PPTC7: variants seen among roughly 807,000 people sequenced by gnomAD.
PPTC7 encodes protein phosphatase PTC7 homolog.
PPTC7 carries 6 observed loss-of-function variants against 30.8 expected under a neutral mutation model. That is an observed-to-expected ratio of 0.19 (90% CI 0.11 to 0.38). PPTC7 has a LOEUF of 0.38. Ranked by LOEUF, PPTC7 falls within the 10% of genes least tolerant of loss-of-function variation. PPTC7 has a pLI of 1.00. For missense variants in PPTC7, 218 were observed against 404.8 expected (o/e 0.54, Z 3.96); for synonymous variants, 163 against 168.1 (o/e 0.97, Z 0.23).
At chr12:110,577,321 T>C (rs933247054) in intron 1 of PPTC7, among the ~76,000 whole-genome samples, 2 of 149,382 alleles carry the variant, frequency 1.3e-5, no homozygotes, top group East Asian at 2.0e-4. Flanking sequence ...GAAAAAAAAA[T>C]TATGGTAATA....
At position 110,535,270 on chromosome 12, in the gene PPTC7, T is replaced by C. The variant is rs2064210766; in HGVS notation, c.*1767A>G. 1 of 152,260 alleles carries C rather than the reference T, an allele frequency of 6.6e-6. No homozygotes were observed. The highest frequency in any genetic ancestry group is 2.1e-4 in the South Asian group (1 of 4,810). 9.4% of individuals were successfully genotyped at this position (152,260 alleles called of 1,614,324 possible). A position where few individuals can be genotyped will look rare whatever the true frequency, so the allele number is the denominator to read the frequency against. ...AGGGTAGTTAAGGCATTCTGACATG[T>C]AATTAAAGGTGATTCAAAATAGATT... On this transcript the variant is annotated 3_prime_UTR_variant, in exon 6 of 6. Transcript: ENST00000354300.
intron 2 of PPTC7, chr12:110,546,332 G>A: frequency 2.1e-6 from 1 of 477,342 alleles, no homozygotes; most frequent in Non-Finnish European, 3.8e-6. Flanking sequence ...TCTTCCATTT[G>A]CATTGACAGA....
intron 1 of PPTC7, among the ~76,000 whole-genome samples, chr12:110,560,633 C>G (rs562256691): frequency 2.0e-5 from 3 of 152,332 alleles, no homozygotes; most frequent in East Asian, 3.9e-4. Flanking sequence ...CATCTTCAGA[C>G]TGACATGCAG....
At chr12:110,582,647 G>GTT (rs2064648113) in intron 1 of PPTC7, among the ~76,000 whole-genome samples, 162 bp downstream of exon 1, 1 of 152,196 alleles carries the variant, frequency 6.6e-6, no homozygotes, top group Non-Finnish European at 1.5e-5. Flanking sequence ...CGGAAAACGC[G>GTT]CCTCGGAGCG....
intron 1 of PPTC7, among the ~76,000 whole-genome samples, chr12:110,566,580 C>A (rs893817739): frequency 2.0e-5 from 3 of 152,204 alleles, no homozygotes; most frequent in African/African-American, 7.2e-5. Flanking sequence ...TCACAGCCAA[C>A]ATTCAGCAAG....
chr12:110,537,856 G>A (rs2064230763), intron 5 of PPTC7, among the ~76,000 whole-genome samples: 1 of 152,210 alleles, frequency 6.6e-6, no homozygotes, highest in South Asian at 2.1e-4. Flanking sequence ...GGCAGAGCTC[G>A]GAAGCCTTTT....
rs1429902316 is a variant in PPTC7, at chr12:110,536,038, A to G, written c.*999T>C. 1 of 152,460 alleles carries G rather than the reference A, an allele frequency of 6.6e-6. No homozygotes were observed. Among genetic ancestry groups the G allele is most frequent in the Non-Finnish European group, 1.5e-5 (1 of 68,058 alleles). 9.4% of individuals were successfully genotyped at this position (152,460 alleles called of 1,614,324 possible). On this transcript the variant is annotated 3_prime_UTR_variant, in exon 6 of 6. Transcript: ENST00000354300. ...TCACTGGATTTGGTGCATGCTCTAT[A>G]GAAAGCAAGGCTACTAATAAAAGGT...
Position 110,534,813 on chromosome 12 carries a change from A to C in PPTC7, c.*2224T>G, listed in dbSNP as rs2064207005. 6.6e-6 allele frequency: 1 copy of C among 152,530 alleles called. No individual in the cohort carries two copies. Among genetic ancestry groups the C allele is most frequent in the Non-Finnish European group, 1.5e-5 (1 of 68,040 alleles). 9.4% of individuals were successfully genotyped at this position (152,530 alleles called of 1,614,324 possible). On this transcript the variant is annotated 3_prime_UTR_variant, in exon 6 of 6. Coordinates refer to ENST00000354300, the MANE Select transcript of PPTC7 (RefSeq NM_139283.2). Reference sequence around the variant, plus strand: ...AAGCTGAGTAAATAAGTTGTATAAAACACCACCAATCTAGCTTTACAAAGA... The same window carrying C: ...AAGCTGAGTAAATAAGTTGTATAAACCACCACCAATCTAGCTTTACAAAGA...
rs1182671527 is a variant in PPTC7, at chr12:110,535,692, G to A, written c.*1345C>T. On this transcript the variant is annotated 3_prime_UTR_variant, in exon 6 of 6. Transcript: ENST00000354300. ...ATGGCTTTAATTTAAGGATTTCTAA[G>A]TATATATTTTTTTCTACCACCAAGT... 1 of 152,378 alleles carries A rather than the reference G, an allele frequency of 6.6e-6. No individual in the cohort carries two copies. Among genetic ancestry groups the A allele is most frequent in the Non-Finnish European group, 1.5e-5 (1 of 68,024 alleles). The allele number at this position is 152,378 out of a possible 1,614,324, so 9.4% of individuals were successfully genotyped here.
intron 1 of PPTC7, among the ~76,000 whole-genome samples, chr12:110,581,959 C>T (rs2064640869): frequency 6.6e-6 from 1 of 152,186 alleles, no homozygotes; most frequent in African/African-American, 2.4e-5. Context: ...TACACAAAAT[C>T]TCCTAAGGCG....
At chr12:110,550,764 A>G (rs2064344317) in intron 2 of PPTC7, among the ~76,000 whole-genome samples, 1 of 152,222 alleles carries the variant, frequency 6.6e-6, no homozygotes, top group South Asian at 2.1e-4. Flanking sequence ...GTTTTCTAAT[A>G]CAAGATTATC....
At chr12:110,557,557 C>G (rs2064400632) in intron 1 of PPTC7, among the ~76,000 whole-genome samples, 1 of 152,148 alleles carries the variant, frequency 6.6e-6, no homozygotes, top group Non-Finnish European at 1.5e-5. Context: ...AGATTATGGG[C>G]ATGAGCCACA....
chr12:110,550,051 T>C (rs2064338281), intron 2 of PPTC7, among the ~76,000 whole-genome samples: 1 of 152,078 alleles, frequency 6.6e-6, no homozygotes, highest in Non-Finnish European at 1.5e-5. Context: ...GCAGTATATA[T>C]TGAAACTGCA....
chr12:110,550,223 A>ATTTT (rs796973487), intron 2 of PPTC7, among the ~76,000 whole-genome samples: 11 of 103,016 alleles, frequency 1.1e-4, no homozygotes, highest in East Asian at 5.7e-4. Flanking sequence ...ACAGGGGCTG[A>ATTTT]TTTTTTTTTT....
At chr12:110,582,561 G>C (rs1207167626) in intron 1 of PPTC7, among the ~76,000 whole-genome samples, 3 of 152,178 alleles carry the variant, frequency 2.0e-5, no homozygotes, top group Non-Finnish European at 4.4e-5. Flanking sequence ...TCACACTCTC[G>C]GGTTGTGACC....
At chr12:110,552,407 A>G (rs2064355457) in intron 1 of PPTC7, among the ~76,000 whole-genome samples, 1 of 152,212 alleles carries the variant, frequency 6.6e-6, no homozygotes, top group African/African-American at 2.4e-5. Flanking sequence ...AACTCCAAAC[A>G]TTGGTCAATC....
rs201701572 is a variant in PPTC7 at position 110,576,791 on chromosome 12, T to C, written c.223+6018A>G. Among the ~76,000 whole-genome samples, 8 of 152,330 alleles carry C rather than the reference T, an allele frequency of 5.3e-5. No homozygotes were observed. In the East Asian group the frequency reaches 7.7e-4, roughly 15 times the overall value. ...AGATAGTGGCAGTGGCTGTACAACT[T>C]TGTGAATGTAAAAACTACTGAACTG... On this transcript the variant is annotated intron_variant, in intron 1 of 5. Transcript: ENST00000354300.
At position 110,559,156 on chromosome 12, in the gene PPTC7, T is replaced by C. The variant is rs201725074; in HGVS notation, c.224-7188A>G. On this transcript the variant is annotated intron_variant, in intron 1 of 5. Coordinates refer to ENST00000354300, the MANE Select transcript of PPTC7 (RefSeq NM_139283.2). ...CTCCCACTTCAGCCTCCAGAGTAGC[T>C]ATGACTACAGGAATGCACCAACACA... Among the ~76,000 whole-genome samples the C allele has an allele frequency of 1.4e-4, 22 of 152,220 alleles. 1 individual carries two copies. In the East Asian group the frequency reaches 4.3e-3, roughly 29 times the overall value.
intron 1 of PPTC7, among the ~76,000 whole-genome samples, chr12:110,553,011 G>A (rs866045168): frequency 4.0e-5 from 6 of 151,856 alleles, no homozygotes; most frequent in Admixed American, 2.0e-4. Context: ...GTGAAACCCC[G>A]TTTCTACTAA....
Sources: gnomAD v4.1 joint callset for allele counts (sites outside exome capture counted in the v4.1 genomes callset) on GRCh38, gnomAD v4.1.1 for gene constraint, MANE v1.5 for transcripts, NCBI Gene and HGNC (gene_info 2026-07-23, HGNC 2026-07-21) for gene names.